Variants in NEK10 observed in about 807,000 individuals in gnomAD.
NEK10 encodes NIMA related kinase 10.
In NEK10, 122 loss-of-function variants were observed where a neutral mutation model predicts 159.8. The observed-to-expected ratio is 0.76, with a 90% CI of 0.66 to 0.89. The LOEUF is 0.89. Among genes scored for constraint, NEK10 ranks in the 40% least tolerant of loss-of-function variants. NEK10 has a pLI of 0.00. For missense variants in NEK10, 1,342 were observed against 1,323.1 expected (o/e 1.01, Z -0.22); for synonymous variants, 466 against 457.1 (o/e 1.02, Z -0.25).
intron 11 of NEK10, among the ~76,000 whole-genome samples, chr3:27,306,928 G>T (rs929608488): frequency 6.6e-6 from 1 of 151,588 alleles, no homozygotes; most frequent in African/African-American, 2.4e-5. Flanking sequence ...TTTTTATGTT[G>T]TCTCTCTCTC....
chr3:27,148,052 T>G (rs1575505256), intron 30 of NEK10, among the ~76,000 whole-genome samples: 1 of 152,212 alleles, frequency 6.6e-6, no homozygotes, highest in Non-Finnish European at 1.5e-5. Flanking sequence ...AATTTTTAAT[T>G]GACACACTAT....
At chr3:27,278,749 T>G in intron 22 of NEK10, 1 of 985,088 alleles carries the variant, frequency 1.0e-6, no homozygotes, top group South Asian at 4.7e-5. Context: ...AAAATAAGGG[T>G]TTTTGAAAAG....
chr3:27,305,980 G>A (rs992700488), intron 11 of NEK10, among the ~76,000 whole-genome samples: 1 of 152,086 alleles, frequency 6.6e-6, no homozygotes, highest in Admixed American at 6.5e-5. Context: ...ACTTCCAGAA[G>A]TTTTAGCCAC....
chr3:27,197,598 T>C (rs965779861), intron 25 of NEK10, among the ~76,000 whole-genome samples: 2 of 152,286 alleles, frequency 1.3e-5, no homozygotes, highest in Admixed American at 6.5e-5. Flanking sequence ...GAAATGCTAG[T>C]GATTTTTGCA....
intron 30 of NEK10, among the ~76,000 whole-genome samples, chr3:27,147,295 G>A (rs995832886): frequency 1.3e-5 from 2 of 152,206 alleles, no homozygotes; most frequent in Admixed American, 6.5e-5. Context: ...TGTTCCATCA[G>A]AAGAGAGAGG....
Position 27,313,837 on chromosome 3 carries a change from G to A in NEK10, c.489+460C>T, listed in dbSNP as rs534366664. On this transcript the variant is annotated intron_variant, in intron 7 of 35. Coordinates refer to ENST00000691995, the MANE Select transcript of NEK10 (RefSeq NM_001394966.1). Reference sequence around the variant, plus strand: ...AAGCAATTCTCTGCCTCAGCCTCCCGAGTAGCTGGGATTATAGGCACCTGG... The same window carrying A: ...AAGCAATTCTCTGCCTCAGCCTCCCAAGTAGCTGGGATTATAGGCACCTGG... Among the ~76,000 whole-genome samples, 5 of 152,050 alleles carry A rather than the reference G, an allele frequency of 3.3e-5. No homozygotes were observed. The South Asian group carries it at 6.2e-4, about 19-fold the overall frequency.
intron 23 of NEK10, among the ~76,000 whole-genome samples, chr3:27,219,672 C>T (rs1282358991): frequency 6.6e-6 from 1 of 152,152 alleles, no homozygotes; most frequent in African/African-American, 2.4e-5. Context: ...AGGAATAAGA[C>T]AAGGAAGTCT....
chr3:27,217,458 T>A (rs1361419166), intron 23 of NEK10, among the ~76,000 whole-genome samples: 1 of 151,952 alleles, frequency 6.6e-6, no homozygotes, highest in Non-Finnish European at 1.5e-5. Context: ...TAGGGAGGTG[T>A]CACACACTTT....
At chr3:27,249,357 C>T (rs1479144435) in intron 23 of NEK10, among the ~76,000 whole-genome samples, 61 of 152,158 alleles carry the variant, frequency 4.0e-4, no homozygotes, top group Admixed American at 3.9e-3. Context: ...GTCCATCTCT[C>T]TTTCTTTCAC....
chr3:27,301,793 C>T lies in NEK10; in HGVS notation c.1071G>A (p.Leu357=). ...TTCGGCCTGCAGCATTTGCACTGGA[C>T]AGGCTTCCAATGGAGGAGTGATCAG... ...FVSDHSSIGS[L]SSANAAGRIQ... is the part of the protein sequence containing the mutation. Residue 357 remains leucine (L), a synonymous_variant, in exon 13 of 36, where the codon CTG becomes CTA. Coordinates refer to ENST00000691995, the MANE Select transcript of NEK10 (RefSeq NM_001394966.1). 1 of 1,556,556 alleles carries T rather than the reference C, an allele frequency of 6.4e-7. No individual in the cohort carries two copies. The highest frequency in any genetic ancestry group is 1.2e-5 in the South Asian group (1 of 84,420).
chr3:27,307,989 C>T (rs1303263567), intron 10 of NEK10, 44 bp from the exon 11 acceptor site: 2 of 954,886 alleles, frequency 2.1e-6, no homozygotes, highest in East Asian at 2.4e-5. Flanking sequence ...GCATATTTTG[C>T]TAGATCCATG....
chr3:27,153,768 T>C (rs1945126829), intron 30 of NEK10, among the ~76,000 whole-genome samples: 1 of 152,092 alleles, frequency 6.6e-6, no homozygotes, highest in Non-Finnish European at 1.5e-5. Context: ...ATGACAATAA[T>C]GACACAACCT....
At chr3:27,156,321 A>C (rs1945412398) in intron 30 of NEK10, among the ~76,000 whole-genome samples, 2 of 152,162 alleles carry the variant, frequency 1.3e-5, no homozygotes, top group African/African-American at 2.4e-5. Context: ...TAAACTATAG[A>C]GCTTTTGCAT....
intron 23 of NEK10, among the ~76,000 whole-genome samples, chr3:27,231,953 A>T (rs1953327578): frequency 6.6e-6 from 1 of 151,940 alleles, no homozygotes; most frequent in African/African-American, 2.4e-5. Flanking sequence ...TCCCAAAGAT[A>T]GAGAGAGAGG....
intron 23 of NEK10, among the ~76,000 whole-genome samples, chr3:27,203,363 G>C (rs1950210828): frequency 2.6e-5 from 4 of 152,108 alleles, no homozygotes; most frequent in Admixed American, 1.3e-4. Context: ...TATGTTGCGG[G>C]AAATGACAAT....
At chr3:27,241,779 G>A (rs998993484) in intron 23 of NEK10, among the ~76,000 whole-genome samples, 4 of 152,204 alleles carry the variant, frequency 2.6e-5, no homozygotes, top group African/African-American at 9.6e-5. Flanking sequence ...AGCAAGGTTA[G>A]GCAAATAGGG....
intron 23 of NEK10, 104 bp from the exon 24 acceptor site, chr3:27,202,661 T>G (rs372288592): frequency 2.2e-6 from 3 of 1,340,130 alleles, no homozygotes; most frequent in African/African-American, 1.5e-5. Context: ...GTATCTGAAA[T>G]GTTTAACTTA....
chr3:27,176,044 C>T (rs1473807769), intron 26 of NEK10, among the ~76,000 whole-genome samples: 1 of 152,082 alleles, frequency 6.6e-6, no homozygotes, highest in Non-Finnish European at 1.5e-5. Flanking sequence ...ATAGAATTTG[C>T]AGATGAAGAA....
chr3:27,121,216 T>C (rs929561883), intron 32 of NEK10, among the ~76,000 whole-genome samples: 3 of 152,172 alleles, frequency 2.0e-5, no homozygotes, highest in African/African-American at 7.2e-5. Flanking sequence ...GATAGATATA[T>C]ATCATGGTGT....
Sources: gnomAD v4.1 joint callset for allele counts (sites outside exome capture counted in the v4.1 genomes callset) on GRCh38, gnomAD v4.1.1 for gene constraint, MANE v1.5 for transcripts, NCBI Gene and HGNC (gene_info 2026-07-23, HGNC 2026-07-21) for gene names.